Variants in B3GALT1 observed in about 807,000 individuals in gnomAD.
The protein encoded by B3GALT1 is beta-1,3-galactosyltransferase 1.
B3GALT1 carries 10 observed loss-of-function variants against 23.2 expected under a neutral mutation model. The observed-to-expected ratio is 0.43, with a 90% confidence interval of 0.27 to 0.73. B3GALT1 has a LOEUF of 0.73. Ranked by LOEUF, B3GALT1 falls within the 30% of genes least tolerant of loss-of-function variation. B3GALT1 has a pLI of 0.21. For missense variants in B3GALT1, 299 were observed against 405.4 expected (o/e 0.74, Z 2.25); for synonymous variants, 156 against 141.5 (o/e 1.10, Z -0.73).
rs1232951102 is a variant in B3GALT1, at chr2:167,582,094, G to A, written c.-409-64815G>A. On this transcript the variant is annotated intron_variant, in intron 2 of 4. Transcript: ENST00000392690. ...GGAAAAACCAAGCCCATGTTTTTTG[G>A]CCCATCTCCCAGATTATAGAAACTG... is the stretch of plus-strand genomic sequence containing the variant. Among the ~76,000 whole-genome samples the A allele has an allele frequency of 2.0e-5, 3 of 151,946 alleles. No homozygotes were observed. The East Asian group carries it at 5.8e-4, about 29-fold the overall frequency.
intron 2 of B3GALT1, among the ~76,000 whole-genome samples, chr2:167,560,213 T>C (rs1235570186): frequency 1.3e-5 from 2 of 152,026 alleles, no homozygotes; most frequent in Non-Finnish European, 2.9e-5. Context: ...CTAAGCTTCA[T>C]AAGTGAAGGA....
intron 2 of B3GALT1, among the ~76,000 whole-genome samples, chr2:167,512,353 A>G (rs918928758): frequency 6.6e-6 from 1 of 150,758 alleles, no homozygotes; most frequent in Non-Finnish European, 1.5e-5. Context: ...AGATTATCCT[A>G]TTTTTCATCA....
At chr2:167,414,225 T>A (rs1698433624) in intron 1 of B3GALT1, among the ~76,000 whole-genome samples, 2 of 152,146 alleles carry the variant, frequency 1.3e-5, no homozygotes, top group Admixed American at 6.5e-5. Flanking sequence ...AAACCCTGAA[T>A]ACTATTAGTG....
rs1475920054 is a variant in B3GALT1, at chr2:167,564,292, T to C, written c.-410+74015T>C. On this transcript the variant is annotated intron_variant, in intron 2 of 4. Transcript: ENST00000392690. The stretch of plus-strand genomic sequence containing the variant: ...CGGCCGGGCAGAGACGCTCCCCCCC[T>C]CCCAGATGTGATGGCGGCCGGGAAG... 4.0e-4 allele frequency among the ~76,000 whole-genome samples: 58 copies of C among 146,520 alleles called. 1 individual carries two copies. The highest frequency in any genetic ancestry group is 1.3e-3 in the African/African-American group (51 of 38,960).
intron 4 of B3GALT1, among the ~76,000 whole-genome samples, chr2:167,839,900 A>T (rs1342097622): frequency 1.3e-5 from 2 of 152,132 alleles, no homozygotes; most frequent in Admixed American, 1.3e-4. Flanking sequence ...CTGATCTTTG[A>T]CAAACCTGAG....
intron 1 of B3GALT1, among the ~76,000 whole-genome samples, chr2:167,367,827 T>G (rs931682095): frequency 3.3e-5 from 5 of 152,194 alleles, no homozygotes; most frequent in African/African-American, 4.8e-5. Context: ...ATGTCTACCT[T>G]GCTAACATCC....
intron 2 of B3GALT1, among the ~76,000 whole-genome samples, chr2:167,632,263 A>G (rs1407170175): frequency 2.0e-5 from 3 of 152,042 alleles, no homozygotes; most frequent in Non-Finnish European, 4.4e-5. Context: ...ATACTTTTGC[A>G]TGTGTCTTTA....
At chr2:167,424,985 G>C (rs73972267) in intron 1 of B3GALT1, among the ~76,000 whole-genome samples, 3,146 of 152,260 alleles carry the variant, frequency 0.021, 112 homozygotes, top group African/African-American at 0.072. Flanking sequence ...TCTTTCCCCA[G>C]CTGCTCCTTC....
intron 2 of B3GALT1, among the ~76,000 whole-genome samples, chr2:167,514,073 AT>A (rs1700067440): frequency 6.6e-6 from 1 of 151,716 alleles, no homozygotes; most frequent in South Asian, 2.1e-4. Flanking sequence ...CGCCCAGCTA[AT>A]TTTTTTGTAT....
intron 3 of B3GALT1, among the ~76,000 whole-genome samples, chr2:167,743,622 G>A (rs1687610103): frequency 6.6e-6 from 1 of 151,930 alleles, no homozygotes; most frequent in Admixed American, 6.6e-5. Context: ...GTAATAATAT[G>A]TTTCTCTTTA....
At chr2:167,659,256 G>C (rs1291182959) in intron 3 of B3GALT1, among the ~76,000 whole-genome samples, 4 of 151,774 alleles carry the variant, frequency 2.6e-5, no homozygotes, top group Admixed American at 2.6e-4. Flanking sequence ...TTGGTGGTGG[G>C]GAGGGGTGTT....
chr2:167,382,685 C>T (rs190962515), intron 1 of B3GALT1, among the ~76,000 whole-genome samples: 151 of 152,240 alleles, frequency 9.9e-4, no homozygotes, highest in African/African-American at 2.6e-3. Flanking sequence ...ATATAGAAAC[C>T]TAGCCAAGTT....
intron 3 of B3GALT1, among the ~76,000 whole-genome samples, chr2:167,763,085 TA>T (rs1293455322): frequency 6.6e-6 from 1 of 152,220 alleles, no homozygotes; most frequent in Non-Finnish European, 1.5e-5. Flanking sequence ...AAGTGATCTC[TA>T]GGTTTCAAAA....
At chr2:167,300,512 G>A (rs1014320780) in intron 1 of B3GALT1, among the ~76,000 whole-genome samples, 1 of 152,074 alleles carries the variant, frequency 6.6e-6, no homozygotes, top group Non-Finnish European at 1.5e-5. Context: ...CATAAAGAAC[G>A]CATTAAGGGA....
At chr2:167,635,727 C>A in intron 2 of B3GALT1, among the ~76,000 whole-genome samples, 1 of 152,098 alleles carries the variant, frequency 6.6e-6, no homozygotes, top group East Asian at 1.9e-4. Flanking sequence ...ATTTCATGCT[C>A]ATGGATAGGA....
chr2:167,561,601 C>T (rs1683991547), intron 2 of B3GALT1, among the ~76,000 whole-genome samples: 1 of 151,994 alleles, frequency 6.6e-6, no homozygotes, highest in South Asian at 2.1e-4. Flanking sequence ...CAAATAGACA[C>T]AATAAAAAAT....
At chr2:167,596,767 C>T (rs774611970) in intron 2 of B3GALT1, among the ~76,000 whole-genome samples, 18 of 151,950 alleles carry the variant, frequency 1.2e-4, no homozygotes, top group East Asian at 3.9e-4. Flanking sequence ...TTAAAGGAAA[C>T]GTAGATGGCA....
intron 3 of B3GALT1, among the ~76,000 whole-genome samples, chr2:167,772,998 G>C (rs13026574): frequency 5.6e-4 from 86 of 152,284 alleles, no homozygotes; most frequent in Non-Finnish European, 1.1e-3. Context: ...ATAAGGAAAG[G>C]AAAATATCCT....
Position 167,319,608 on chromosome 2 carries a change from G to T in B3GALT1, c.-511+26274G>T, listed in dbSNP as rs138193209. 2.2e-3 allele frequency among the ~76,000 whole-genome samples: 329 copies of T among 152,030 alleles called. 1 individual carries two copies. Among genetic ancestry groups the T allele is most frequent in the African/African-American group, 7.2e-3 (300 of 41,514 alleles). ...GAATGATACTATTGGCTTAATTTTT[G>T]ACATGAAAAACAAGCAAAAAAGCAA... On this transcript the variant is annotated intron_variant, in intron 1 of 4. Coordinates refer to ENST00000392690, the MANE Select transcript of B3GALT1 (RefSeq NM_020981.4).
Sources: gnomAD v4.1 joint callset for allele counts (sites outside exome capture counted in the v4.1 genomes callset) on GRCh38, gnomAD v4.1.1 for gene constraint, MANE v1.5 for transcripts, NCBI Gene and HGNC (gene_info 2026-07-23, HGNC 2026-07-21) for gene names.